Variants in DLG2 observed in about 807,000 individuals in gnomAD.
DLG2 encodes the protein discs large MAGUK scaffold protein 2, also known as disks large homolog 2.
Under a neutral mutation model 132.5 loss-of-function variants are expected in DLG2, and 45 were observed. The observed-to-expected ratio is 0.34, with a 90% CI of 0.27 to 0.44. The LOEUF is 0.44. Ranked by LOEUF, DLG2 falls within the 20% of genes least tolerant of loss-of-function variation. The probability of loss-of-function intolerance (pLI) is 1.00; values close to 1 mark genes in which losing one functional copy is unlikely to be tolerated. For missense variants in DLG2, 1,045 were observed against 1,196.9 expected, an observed-to-expected ratio of 0.87 and a Z score of 1.87; for synonymous variants, 424 against 419.6, an observed-to-expected ratio of 1.01 and a Z score of -0.13.
In DLG2 at chr11:85,317,893, C is replaced by A. The variant is rs2080799430; in HGVS notation, c.41-32528G>T. ...CCTATGTAACATATCTGCATATGTA[C>A]CCTGAACCTAAAAAAAAAATAGCAC... On this transcript the variant is annotated intron_variant, in intron 3 of 27. Coordinates refer to ENST00000376104, the MANE Select transcript of DLG2 (RefSeq NM_001142699.3). 1.3e-5 allele frequency among the ~76,000 whole-genome samples: 2 copies of A among 151,628 alleles called. 1 individual carries two copies. Among genetic ancestry groups the A allele is most frequent in the South Asian group, 4.2e-4 (2 of 4,816 alleles).
At chr11:83,730,167 T>C (rs1040748948) in intron 18 of DLG2, among the ~76,000 whole-genome samples, 2 of 143,218 alleles carry the variant, frequency 1.4e-5, no homozygotes, top group African/African-American at 5.0e-5. Context: ...TTTTTTTTTT[T>C]ACAATGTTAA....
At chr11:84,134,692 CTGTGTGTG>C (rs5793105) in intron 9 of DLG2, among the ~76,000 whole-genome samples, 1 of 149,556 alleles carries the variant, frequency 6.7e-6, no homozygotes, top group Non-Finnish European at 1.5e-5. Flanking sequence ...CTTTTGTTAT[CTGTGTGTG>C]TGTGTGTGTG....
intron 11 of DLG2, among the ~76,000 whole-genome samples, chr11:84,036,673 G>GA (rs1005537723): frequency 4.5e-4 from 69 of 152,014 alleles, no homozygotes; most frequent in Non-Finnish European, 6.9e-4. Flanking sequence ...AGTTTTCTTA[G>GA]AAAAAATTAT....
chr11:85,249,511 A>G (rs2076296018), intron 4 of DLG2, among the ~76,000 whole-genome samples: 1 of 152,214 alleles, frequency 6.6e-6, no homozygotes. Flanking sequence ...TAATTGTTCT[A>G]TGAGAATTGT....
At chr11:83,857,803 C>A (rs1197921041) in intron 16 of DLG2, among the ~76,000 whole-genome samples, 1 of 141,948 alleles carries the variant, frequency 7.0e-6, no homozygotes. Context: ...TGAGAATTTT[C>A]TACATTTTCT....
intron 3 of DLG2, among the ~76,000 whole-genome samples, chr11:85,576,917 A>G (rs2078191806): frequency 6.6e-6 from 1 of 152,176 alleles, no homozygotes; most frequent in Non-Finnish European, 1.5e-5. Flanking sequence ...AACTAGTAAG[A>G]AAGTGGGCAA....
chr11:84,662,566 C>T lies in DLG2; in HGVS notation c.358-127835G>A, dbSNP rs182154626. On this transcript the variant is annotated intron_variant, in intron 6 of 27. Coordinates refer to ENST00000376104, the MANE Select transcript of DLG2 (RefSeq NM_001142699.3). ...TGGGAGGCCAAGGAGGGCAGATCCC[C>T]ACCTGAGGTTGGGAGTTCGAGACCA... Among the ~76,000 whole-genome samples the T allele has an allele frequency of 1.3e-3, 201 of 151,920 alleles. 1 individual carries two copies. The highest frequency in any genetic ancestry group is 4.7e-3 in the African/African-American group (196 of 41,490).
intron 15 of DLG2, among the ~76,000 whole-genome samples, chr11:83,928,385 C>T (rs2079407756): frequency 6.6e-6 from 1 of 152,016 alleles, no homozygotes; most frequent in African/African-American, 2.4e-5. Flanking sequence ...TAGAGGTGAA[C>T]TGTTATCAGC....
chr11:83,850,929 T>C (rs1438702193), intron 16 of DLG2, among the ~76,000 whole-genome samples: 6 of 152,062 alleles, frequency 3.9e-5, no homozygotes, highest in Admixed American at 6.6e-5. Flanking sequence ...GTAATCCCAC[T>C]ACTTTGGGAG....
chr11:84,194,335 G>A (rs1341833608), intron 8 of DLG2, among the ~76,000 whole-genome samples: 1 of 152,142 alleles, frequency 6.6e-6, no homozygotes, highest in Non-Finnish European at 1.5e-5. Context: ...GTGTTCAGAT[G>A]TGCCCGGAGT....
Position 85,457,703 on chromosome 11 carries a change from G to T in DLG2, c.40+140954C>A, listed in dbSNP as rs976057720. Among the ~76,000 whole-genome samples, 16 of 152,124 alleles carry T rather than the reference G, an allele frequency of 1.1e-4. No homozygotes were observed. The South Asian group carries it at 1.2e-3, about 12-fold the overall frequency. On this transcript the variant is annotated intron_variant, in intron 3 of 27. Coordinates refer to ENST00000376104, the MANE Select transcript of DLG2 (RefSeq NM_001142699.3). Reference sequence around the variant, plus strand: ...ATTTCTCATTTATGAAGTTTAGTTTGTCTGGATATAAAATTCTGAGTTGAA... The same window carrying T: ...ATTTCTCATTTATGAAGTTTAGTTTTTCTGGATATAAAATTCTGAGTTGAA...
intron 21 of DLG2, among the ~76,000 whole-genome samples, chr11:83,509,891 C>T (rs550639258): frequency 3.3e-5 from 5 of 152,042 alleles, no homozygotes; most frequent in East Asian, 1.9e-4. Context: ...ATTTCTTGAG[C>T]GCGTAGTATG....
intron 8 of DLG2, among the ~76,000 whole-genome samples, chr11:84,181,434 A>G (rs2096124729): frequency 6.6e-6 from 1 of 152,140 alleles, no homozygotes; most frequent in Admixed American, 6.6e-5. Flanking sequence ...GGAAGACAAA[A>G]ATAGGATGAA....
intron 11 of DLG2, among the ~76,000 whole-genome samples, chr11:83,986,840 G>T (rs1397888133): frequency 3.8e-4 from 58 of 151,966 alleles, no homozygotes; most frequent in African/African-American, 1.2e-3. Flanking sequence ...ATGTGTTTTT[G>T]GGCTGCATAA....
chr11:84,202,838 G>A (rs932288172), intron 8 of DLG2, among the ~76,000 whole-genome samples: 8 of 152,216 alleles, frequency 5.3e-5, no homozygotes, highest in Non-Finnish European at 8.8e-5. Context: ...AAGACATCAC[G>A]TGGCCAACAA....
chr11:85,107,500 C>T (rs1187814283), intron 6 of DLG2, among the ~76,000 whole-genome samples: 1 of 152,040 alleles, frequency 6.6e-6, no homozygotes, highest in African/African-American at 2.4e-5. Flanking sequence ...AAGCTTCTTA[C>T]AGTTGGTCAT....
chr11:84,293,648 C>A (rs2098041601), intron 7 of DLG2, among the ~76,000 whole-genome samples: 3 of 151,978 alleles, frequency 2.0e-5, no homozygotes, highest in Admixed American at 1.3e-4. Flanking sequence ...TGCACTCCAG[C>A]CTTGGTGAAA....
intron 6 of DLG2, among the ~76,000 whole-genome samples, chr11:84,820,609 C>G (rs1199455152): frequency 6.6e-6 from 1 of 151,882 alleles, no homozygotes. Flanking sequence ...TTGACATTCC[C>G]TGGACACCCA....
chr11:85,472,528 G>A (rs2093017338), intron 3 of DLG2, among the ~76,000 whole-genome samples: 1 of 152,116 alleles, frequency 6.6e-6, no homozygotes. Context: ...TTGATCTCTT[G>A]ACCTCGTGAT....
Sources: allele counts gnomAD v4.1 joint callset (sites outside exome capture counted in the v4.1 genomes callset), GRCh38; gene constraint gnomAD v4.1.1; transcripts MANE v1.5; gene names NCBI Gene and HGNC (gene_info 2026-07-23, HGNC 2026-07-21).